The following MTG1 variants were observed in gnomAD, a reference collection of about 807,000 sequenced individuals.
MTG1 encodes the protein mitochondrial ribosome-associated GTPase 1.
In MTG1, 30 loss-of-function variants were observed where a neutral mutation model predicts 39.5. That is an observed-to-expected ratio of 0.76 (90% CI 0.57 to 1.03). The LOEUF is 1.03. MTG1 is among the 50% of genes least tolerant of loss of function. MTG1 has a pLI of 0.00. For missense variants in MTG1, 513 were observed against 447.4 expected (o/e 1.15, Z -1.32); for synonymous variants, 217 against 179.0 (o/e 1.21, Z -1.69).
At chr10:133,412,635 G>A (rs552099381) in intron 9 of MTG1, among the ~76,000 whole-genome samples, 2 of 152,256 alleles carry the variant, frequency 1.3e-5, no homozygotes, top group Admixed American at 6.5e-5. Flanking sequence ...CCTGATCTAA[G>A]GTAGGAAGCT....
rs1008822386 is a variant in MTG1 at position 133,402,347 on chromosome 10, C to T, written c.670+102C>T. The T allele has an allele frequency of 1.8e-5, 25 of 1,377,332 alleles. No individual in the cohort carries two copies. Among genetic ancestry groups the T allele is most frequent in the Non-Finnish European group, 2.5e-5 (24 of 976,998 alleles). 85.3% of individuals were successfully genotyped at this position (1,377,332 alleles called of 1,614,324 possible). A position where few individuals can be genotyped will look rare whatever the true frequency, so the allele number is the denominator to read the frequency against. ...CAGGGCCCCTAGACGGGAGTTGTTA[C>T]TGCCTTTGACCTGGTTGCTGCCAGA... On this transcript the variant is annotated intron_variant, in intron 8 of 10. Coordinates refer to ENST00000317502, the MANE Select transcript of MTG1 (RefSeq NM_138384.4). The surrounding 1 kb of genome is among the most constrained non-coding windows in gnomAD (Gnocchi z 4.7).
At chr10:133,409,664 A>G (rs1850017566) in intron 9 of MTG1, among the ~76,000 whole-genome samples, 1 of 152,168 alleles carries the variant, frequency 6.6e-6, no homozygotes, top group South Asian at 2.1e-4. Flanking sequence ...TCTCACTTTC[A>G]ATCTATCAAT....
intron 9 of MTG1, among the ~76,000 whole-genome samples, chr10:133,405,264 A>T (rs527697803): frequency 6.6e-6 from 1 of 152,334 alleles, no homozygotes; most frequent in African/African-American, 2.4e-5. Context: ...TTTTAATGCT[A>T]AGATTTATCT....
At chr10:133,418,448 G>A (rs1454692207) in intron 9 of MTG1, among the ~76,000 whole-genome samples, 1 of 152,022 alleles carries the variant, frequency 6.6e-6, no homozygotes, top group African/African-American at 2.4e-5. Flanking sequence ...GGCAGGTCTC[G>A]GGGGTGGTCC....
intron 1 of MTG1, chr10:133,394,702 G>A (rs1849754955): frequency 3.7e-6 from 4 of 1,067,484 alleles, no homozygotes; most frequent in African/African-American, 1.7e-5. Flanking sequence ...ACTTTTCTGA[G>A]TCTTTTGGGG....
At chr10:133,414,353 C>T (rs1309637322) in intron 9 of MTG1, among the ~76,000 whole-genome samples, 1 of 152,196 alleles carries the variant, frequency 6.6e-6, no homozygotes, top group Non-Finnish European at 1.5e-5. Context: ...ATTTCTCAAT[C>T]TTTTCCCCAC....
chr10:133,399,184 C>G lies in MTG1; in HGVS notation c.378C>G (p.Val126=). The G allele has an allele frequency of 6.2e-7, 1 of 1,614,126 alleles. No individual in the cohort carries two copies. Among genetic ancestry groups the G allele is most frequent in the Non-Finnish European group, 8.5e-7 (1 of 1,180,030 alleles). Residue 126 remains valine (V), a synonymous_variant, in exon 5 of 11, where the codon GTC becomes GTG. Coordinates refer to ENST00000317502, the MANE Select transcript of MTG1 (RefSeq NM_138384.4). ...GTTTGTTGCAGATCATCCCGATGGT[C>G]ACTGAACTGATTGGGAGAAGCCACC... ...DENVKQIIPM[V]TELIGRSHRY...
chr10:133,419,270 A>G (rs1389360991), intron 9 of MTG1, among the ~76,000 whole-genome samples: 2 of 152,136 alleles, frequency 1.3e-5, no homozygotes, highest in Non-Finnish European at 2.9e-5. Context: ...GACGAAGCTC[A>G]GGGATGATTC....
rs918075730 is a variant in MTG1 at position 133,420,409 on chromosome 10, G to A, written c.*244G>A. 39 of 440,654 alleles carry A rather than the reference G, an allele frequency of 8.9e-5. No individual in the cohort carries two copies. Among genetic ancestry groups the A allele is most frequent in the Non-Finnish European group, 1.5e-4 (38 of 251,066 alleles). The allele number at this position is 440,654 out of a possible 1,614,324, so 27.3% of individuals were successfully genotyped here. On this transcript the variant is annotated 3_prime_UTR_variant, in exon 11 of 11. Coordinates refer to ENST00000317502, the MANE Select transcript of MTG1 (RefSeq NM_138384.4). The stretch of plus-strand genomic sequence containing the variant: ...GCAGCTCCGCATGCTTGGTTCTCCC[G>A]GAGCTTCCTGCTCAGGCCTCTTGAG...
chr10:133,394,541 C>T, intron 1 of MTG1: 1 of 1,338,586 alleles, frequency 7.5e-7, no homozygotes, highest in Non-Finnish European at 9.5e-7. Flanking sequence ...GAGGCCCGTT[C>T]CCGCGAGTGC....
intron 5 of MTG1, 37 bp from the exon 6 acceptor site, chr10:133,399,492 A>G: frequency 6.3e-7 from 1 of 1,599,906 alleles, no homozygotes; most frequent in Non-Finnish European, 8.6e-7. Flanking sequence ...TCTAGCGGCC[A>G]CGGTGGGCCC....
At chr10:133,394,553 C>A in intron 1 of MTG1, 1 of 1,336,250 alleles carries the variant, frequency 7.5e-7, no homozygotes, top group Non-Finnish European at 9.5e-7. Flanking sequence ...CGCGAGTGCC[C>A]CCGCGGCGCA....
At chr10:133,408,675 C>T (rs1350213244) in intron 9 of MTG1, among the ~76,000 whole-genome samples, 2 of 152,200 alleles carry the variant, frequency 1.3e-5, no homozygotes, top group African/African-American at 4.8e-5. Flanking sequence ...CCATCAGGAC[C>T]TGGGATTTTC....
At chr10:133,394,785 C>T (rs917689821) in intron 1 of MTG1, 6 of 964,272 alleles carry the variant, frequency 6.2e-6, no homozygotes, top group South Asian at 4.7e-5. Context: ...TCCTGCTTAA[C>T]GTCTTTGGTA....
At position 133,421,924 on chromosome 10, in the gene MTG1, C is replaced by G. The variant is rs1384271889; in HGVS notation, c.*1759C>G. ...ACGGCGGGGGGCAGGGAGAACCCCT[C>G]CTACCCTGGATGAGTGGGTGACTGG... On this transcript the variant is annotated 3_prime_UTR_variant, in exon 11 of 11. Transcript: ENST00000317502. The G allele has an allele frequency of 8.0e-6, 1 of 125,230 alleles. No individual in the cohort carries two copies. Among genetic ancestry groups the G allele is most frequent in the Non-Finnish European group, 1.7e-5 (1 of 57,320 alleles). 7.8% of individuals were successfully genotyped at this position (125,230 alleles called of 1,614,324 possible). A position where few individuals can be genotyped will look rare whatever the true frequency, so the allele number is the denominator to read the frequency against.
Position 133,394,285 on chromosome 10 carries a change from T to G in MTG1, c.65T>G (p.Leu22Arg). Residue 22 changes from leucine to arginine, a missense_variant, in exon 1 of 11, where the codon CTG (leucine) becomes CGG (arginine). Leu to Arg is a moderately radical substitution (Grantham distance 102). Coordinates refer to ENST00000317502, the MANE Select transcript of MTG1 (RefSeq NM_138384.4). ...AQAAWRENFP[L>R]CGRDVARWFP... ...GCCGCCTGGCGGGAGAACTTCCCCC[T>G]GTGCGGTCGCGACGTGGCGCGCTGG... is the stretch of plus-strand genomic sequence containing the variant. The G allele has an allele frequency of 6.6e-7, 1 of 1,517,410 alleles. No individual in the cohort carries two copies. The highest frequency in any genetic ancestry group is 8.8e-7 in the Non-Finnish European group (1 of 1,136,992). 94.0% of individuals were successfully genotyped at this position (1,517,410 alleles called of 1,614,324 possible). A position where few individuals can be genotyped will look rare whatever the true frequency, so the allele number is the denominator to read the frequency against.
intron 9 of MTG1, among the ~76,000 whole-genome samples, chr10:133,408,150 C>G (rs1048852738): frequency 6.6e-6 from 1 of 152,134 alleles, no homozygotes. Flanking sequence ...TGTTCCAGAT[C>G]TTGGAGAAAA....
chr10:133,417,027 A>G (rs1281638311), intron 9 of MTG1, among the ~76,000 whole-genome samples: 1 of 150,768 alleles, frequency 6.6e-6, no homozygotes, highest in East Asian at 2.0e-4. Flanking sequence ...CCAACAGTGT[A>G]AAAGTGTTCC....
intron 9 of MTG1, among the ~76,000 whole-genome samples, chr10:133,406,811 C>T (rs558528070): frequency 2.0e-5 from 3 of 152,014 alleles, no homozygotes; most frequent in East Asian, 3.9e-4. Flanking sequence ...ACTACAGGTG[C>T]CCGCCACCAT....
Sources: gnomAD v4.1 joint callset for allele counts (sites outside exome capture counted in the v4.1 genomes callset) on GRCh38, gnomAD v4.1.1 for gene constraint, Gnocchi (gnomAD v3.1) non-coding constraint, MANE v1.5 for transcripts, NCBI Gene and HGNC (gene_info 2026-07-23, HGNC 2026-07-21) for gene names.